Variants in ASTN2 observed in about 807,000 individuals in gnomAD.
The protein encoded by ASTN2 is astrotactin 2.
A neutral mutation model predicts 139.8 loss-of-function variants in ASTN2; 54 were observed. The ratio of observed to expected loss-of-function variants is 0.39; its 90% confidence interval spans 0.31 to 0.48. The LOEUF is 0.48. Among genes scored for constraint, ASTN2 ranks in the 20% least tolerant of loss-of-function variants. ASTN2 has a pLI of 0.95. For missense variants in ASTN2, 1,565 were observed against 1,725.1 expected (o/e 0.91, Z 1.64); for synonymous variants, 756 against 719.5 (o/e 1.05, Z -0.81).
In ASTN2 at chr9:117,058,907, C is replaced by G. The variant is rs144267401; in HGVS notation, c.1277-18942G>C. On this transcript the variant is annotated intron_variant, in intron 5 of 22. Transcript: ENST00000313400. ...CCAATGTAAAATGCACTGAAAAAGGCAGTGAGTGACATGAGATGGGGCTGG... is the reference window on the plus strand; with the variant it reads ...CCAATGTAAAATGCACTGAAAAAGGGAGTGAGTGACATGAGATGGGGCTGG... Among the ~76,000 whole-genome samples the G allele has an allele frequency of 6.4e-4, 97 of 152,280 alleles. No homozygotes were observed. In the East Asian group the frequency reaches 0.019, roughly 29 times the overall value.
At chr9:117,199,421 C>G (rs999466767) in intron 3 of ASTN2, among the ~76,000 whole-genome samples, 2 of 152,170 alleles carry the variant, frequency 1.3e-5, no homozygotes, top group African/African-American at 4.8e-5. Flanking sequence ...TGTCAAAGAT[C>G]AGATGGTTGT....
chr9:116,445,636 C>T (rs1847964443), intron 20 of ASTN2, among the ~76,000 whole-genome samples: 1 of 152,192 alleles, frequency 6.6e-6, no homozygotes, highest in South Asian at 2.1e-4. Flanking sequence ...GTCATAAAAA[C>T]TGGGTAGAAT....
In ASTN2 at chr9:116,788,096, A is replaced by G. The variant is rs959287387; in HGVS notation, c.2396+17536T>C. Among the ~76,000 whole-genome samples the G allele has an allele frequency of 2.6e-5, 4 of 152,132 alleles. No individual in the cohort carries two copies. The South Asian group carries it at 8.3e-4, about 32-fold the overall frequency. On this transcript the variant is annotated intron_variant, in intron 13 of 22. Coordinates refer to ENST00000313400, the MANE Select transcript of ASTN2 (RefSeq NM_001365068.1). ...ACAAATACTGCATGTTCTCACTTGTATGTGGAATCTAAAAAGTCAAACTCG... is the reference window on the plus strand; with the variant it reads ...ACAAATACTGCATGTTCTCACTTGTGTGTGGAATCTAAAAAGTCAAACTCG...
intron 13 of ASTN2, among the ~76,000 whole-genome samples, chr9:116,800,865 TTAAGCGCTTTGTA>T (rs1329416014): frequency 6.6e-6 from 1 of 152,200 alleles, no homozygotes; most frequent in Non-Finnish European, 1.5e-5. Flanking sequence ...CATTACATTT[TTAAGCGCTTTGTA>T]AAGCAGAAAT....
intron 10 of ASTN2, among the ~76,000 whole-genome samples, chr9:116,894,117 A>G (rs1318659006): frequency 6.6e-6 from 1 of 152,180 alleles, no homozygotes; most frequent in Non-Finnish European, 1.5e-5. Context: ...AGCACAGGTT[A>G]GAGGGAGAAT....
At chr9:116,632,145 A>AGG (rs1158838501) in intron 17 of ASTN2, among the ~76,000 whole-genome samples, 13 of 77,746 alleles carry the variant, frequency 1.7e-4, no homozygotes, top group African/African-American at 5.9e-4. Flanking sequence ...AGAGAGAGAG[A>AGG]GAGAGAGAGA....
intron 2 of ASTN2, among the ~76,000 whole-genome samples, chr9:117,270,220 C>G (rs1564117865): frequency 6.6e-6 from 1 of 152,138 alleles, no homozygotes; most frequent in East Asian, 1.9e-4. Context: ...ACTCTCTTTA[C>G]AAATGTTTAA....
intron 10 of ASTN2, among the ~76,000 whole-genome samples, chr9:116,896,553 A>T (rs544591949): frequency 1.3e-5 from 2 of 152,148 alleles, no homozygotes; most frequent in Non-Finnish European, 2.9e-5. Context: ...TCTTGACCTC[A>T]GGTGATCCGC....
At chr9:117,241,528 C>T (rs1833206119) in intron 2 of ASTN2, among the ~76,000 whole-genome samples, 1 of 152,178 alleles carries the variant, frequency 6.6e-6, no homozygotes, top group Admixed American at 6.5e-5. Context: ...CTCAGATCAT[C>T]AGGCATGAGT....
chr9:117,344,743 T>C lies in ASTN2; in HGVS notation c.443-53230A>G, dbSNP rs138827560. 1.2e-3 allele frequency among the ~76,000 whole-genome samples: 182 copies of C among 152,228 alleles called. 1 individual carries two copies. The highest frequency in any genetic ancestry group is 4.2e-3 in the African/African-American group (176 of 41,550). On this transcript the variant is annotated intron_variant, in intron 1 of 22. Coordinates refer to ENST00000313400, the MANE Select transcript of ASTN2 (RefSeq NM_001365068.1). ...GAAGAGGAAAGAATGAACACGGGTT[T>C]CAACTCTAGACCTAAGAGTAATGAA...
At chr9:117,229,444 C>T (rs1327228500) in intron 2 of ASTN2, among the ~76,000 whole-genome samples, 1 of 152,142 alleles carries the variant, frequency 6.6e-6, no homozygotes, top group Admixed American at 6.5e-5. Context: ...TGGGCAGTCT[C>T]CTTAACTGAA....
intron 1 of ASTN2, among the ~76,000 whole-genome samples, chr9:117,392,711 G>A (rs972345847): frequency 7.2e-5 from 11 of 152,216 alleles, no homozygotes; most frequent in African/African-American, 2.4e-4. Context: ...AGTCTCTTAA[G>A]AGAGTTTATC....
At chr9:117,409,115 A>C (rs1188336803) in intron 1 of ASTN2, among the ~76,000 whole-genome samples, 1 of 152,148 alleles carries the variant, frequency 6.6e-6, no homozygotes, top group East Asian at 1.9e-4. Context: ...AATAACATAC[A>C]TTGTTTTAAT....
chr9:116,679,657 C>A (rs969847919), intron 16 of ASTN2, among the ~76,000 whole-genome samples: 1 of 152,100 alleles, frequency 6.6e-6, no homozygotes, highest in Non-Finnish European at 1.5e-5. Flanking sequence ...TGTAAAAGAA[C>A]AGAAATTATA....
intron 2 of ASTN2, among the ~76,000 whole-genome samples, chr9:117,227,779 T>C (rs1349181049): frequency 6.6e-6 from 1 of 152,176 alleles, no homozygotes; most frequent in African/African-American, 2.4e-5. Flanking sequence ...AGAGGTGGTC[T>C]GAATTCCAAG....
intron 11 of ASTN2, among the ~76,000 whole-genome samples, chr9:116,860,196 G>A (rs918211365): frequency 2.0e-5 from 3 of 152,060 alleles, no homozygotes; most frequent in Admixed American, 1.3e-4. Flanking sequence ...GTTAAGAGGT[G>A]GGAGGCAGAA....
intron 1 of ASTN2, among the ~76,000 whole-genome samples, chr9:117,407,246 A>G (rs566795178): frequency 6.6e-6 from 1 of 152,338 alleles, no homozygotes; most frequent in South Asian, 2.1e-4. Flanking sequence ...ACCTTGTACT[A>G]CTACAATAGG....
At chr9:116,704,478 T>C (rs2840224) in intron 16 of ASTN2, among the ~76,000 whole-genome samples, 2 of 152,214 alleles carry the variant, frequency 1.3e-5, no homozygotes, top group Non-Finnish European at 2.9e-5. Context: ...AATGACAGTT[T>C]ATGTTTTAAA....
At chr9:116,509,060 C>T (rs536973511) in intron 19 of ASTN2, among the ~76,000 whole-genome samples, 195 of 152,134 alleles carry the variant, frequency 1.3e-3, no homozygotes, top group African/African-American at 4.6e-3. Flanking sequence ...GTACAACGTG[C>T]AGGTTAGTTA....
Sources: gnomAD v4.1 joint callset for allele counts (sites outside exome capture counted in the v4.1 genomes callset) on GRCh38, gnomAD v4.1.1 for gene constraint, MANE v1.5 for transcripts, NCBI Gene and HGNC (gene_info 2026-07-23, HGNC 2026-07-21) for gene names.